Variants in PSD3 observed in about 807,000 individuals in gnomAD.
PSD3 encodes the protein pleckstrin and Sec7 domain containing 3, also known as PH and SEC7 domain-containing protein 3.
Under a neutral mutation model 105.5 loss-of-function variants are expected in PSD3, and 49 were observed. The ratio of observed to expected loss-of-function variants is 0.46; its 90% confidence interval spans 0.37 to 0.59. The LOEUF is 0.59. Ranked by LOEUF, PSD3 falls within the 20% of genes least tolerant of loss-of-function variation. The pLI, the probability that PSD3 is intolerant of heterozygous loss-of-function variation, is 0.00. For missense variants in PSD3, 1,561 were observed against 1,263.8 expected, an observed-to-expected ratio of 1.24 and a Z score of -3.57; for synonymous variants, 557 against 457.8, an observed-to-expected ratio of 1.22 and a Z score of -2.77.
At chr8:18,545,267 C>G (rs1800388224) in intron 15 of PSD3, among the ~76,000 whole-genome samples, 1 of 152,076 alleles carries the variant, frequency 6.6e-6, no homozygotes, top group Admixed American at 6.6e-5. Context: ...AGGTGGAAAA[C>G]TCAAGAAATA....
At chr8:18,988,126 T>TAC (rs1042994427) in intron 1 of PSD3, among the ~76,000 whole-genome samples, 1 of 151,522 alleles carries the variant, frequency 6.6e-6, no homozygotes, top group Non-Finnish European at 1.5e-5. Context: ...TATATATATA[T>TAC]ACACATGAAT....
At position 18,625,732 on chromosome 8, in the gene PSD3, AC is replaced by A. The variant is rs1472368859; in HGVS notation, c.2410+6880del. The stretch of plus-strand genomic sequence containing the variant: ...TCCACCAGATACACTGCTATTCTAT[AC>A]TACATCCTTGGTTAAGATGCTTAGG... On this transcript the variant is annotated intron_variant, in intron 11 of 15. Transcript: ENST00000327040. 2.0e-5 allele frequency among the ~76,000 whole-genome samples: 3 copies of A among 152,290 alleles called. No homozygotes were observed. In the East Asian group the frequency reaches 5.8e-4, roughly 29 times the overall value.
chr8:19,057,344 C>T (rs1310316448), intron 1 of PSD3, among the ~76,000 whole-genome samples: 1 of 152,156 alleles, frequency 6.6e-6, no homozygotes, highest in East Asian at 1.9e-4. Context: ...ATGGAAGTTT[C>T]TCTTGACCTC....
intron 9 of PSD3, chr8:18,763,103 A>G (rs1021112895): frequency 8.7e-6 from 4 of 460,350 alleles, no homozygotes; most frequent in Admixed American, 7.1e-5. Flanking sequence ...TCAAGTACAA[A>G]TGTTACTTCT....
At chr8:19,057,153 T>C (rs1229010913) in intron 1 of PSD3, among the ~76,000 whole-genome samples, 4 of 152,272 alleles carry the variant, frequency 2.6e-5, no homozygotes, top group South Asian at 2.1e-4. Flanking sequence ...CATATGAACA[T>C]GTTTGACTAT....
At chr8:18,694,300 CA>C (rs753585127) in intron 9 of PSD3, among the ~76,000 whole-genome samples, 6 of 152,214 alleles carry the variant, frequency 3.9e-5, no homozygotes, top group Non-Finnish European at 8.8e-5. Flanking sequence ...CTACAAAACT[CA>C]AATTAACTAA....
intron 11 of PSD3, among the ~76,000 whole-genome samples, chr8:18,601,681 A>C (rs1313135147): frequency 1.3e-5 from 2 of 152,352 alleles, no homozygotes; most frequent in South Asian, 4.1e-4. Context: ...TATACTAAAA[A>C]TACATATAAC....
chr8:18,946,798 G>C (rs187432111), intron 1 of PSD3, among the ~76,000 whole-genome samples: 1 of 150,636 alleles, frequency 6.6e-6, no homozygotes, highest in Admixed American at 6.6e-5. Flanking sequence ...CCAGATACTT[G>C]GGAGGTTGGG....
At chr8:18,575,933 T>C (rs979173051) in intron 12 of PSD3, among the ~76,000 whole-genome samples, 1 of 152,182 alleles carries the variant, frequency 6.6e-6, no homozygotes, top group African/African-American at 2.4e-5. Flanking sequence ...CTGTTAGATA[T>C]TTTCTAGAGT....
chr8:18,575,526 T>A lies in PSD3; in HGVS notation c.2482-241A>T, dbSNP rs537813531. Reference sequence around the variant, plus strand: ...GCATTTTTTTAAAAATCAGTTTTTTTAAAAAACTGATATACAATAATTGAG... The same window carrying A: ...GCATTTTTTTAAAAATCAGTTTTTTAAAAAAACTGATATACAATAATTGAG... On this transcript the variant is annotated intron_variant, in intron 12 of 15. Transcript: ENST00000327040. Among the ~76,000 whole-genome samples, 14 of 152,246 alleles carry A rather than the reference T, an allele frequency of 9.2e-5. No homozygotes were observed. The South Asian group carries it at 1.5e-3, about 16-fold the overall frequency.
At chr8:18,792,162 C>T (rs1384755340) in intron 8 of PSD3, among the ~76,000 whole-genome samples, 2 of 152,088 alleles carry the variant, frequency 1.3e-5, no homozygotes, top group Non-Finnish European at 1.5e-5. Flanking sequence ...TATGGTAATT[C>T]CTCAAAGACC....
At chr8:18,655,159 T>TA (rs1464509481) in intron 10 of PSD3, among the ~76,000 whole-genome samples, 5 of 149,290 alleles carry the variant, frequency 3.3e-5, no homozygotes, top group Non-Finnish European at 7.4e-5. Flanking sequence ...CCGTCTCTAC[T>TA]AAAAATGCAA....
At chr8:18,899,983 T>C (rs1324581757) in intron 2 of PSD3, among the ~76,000 whole-genome samples, 1 of 151,738 alleles carries the variant, frequency 6.6e-6, no homozygotes, top group East Asian at 1.9e-4. Flanking sequence ...GGAACTGTTT[T>C]CCAGAAAGGG....
At chr8:18,699,814 T>C (rs993812304) in intron 9 of PSD3, among the ~76,000 whole-genome samples, 3 of 152,092 alleles carry the variant, frequency 2.0e-5, no homozygotes, top group Admixed American at 6.6e-5. Flanking sequence ...CAAAGTTCAT[T>C]AGGGTTTTTC....
In PSD3 at chr8:18,534,824, C is replaced by G. The variant is rs1799768941; in HGVS notation, c.*919G>C. ...CCACACACGCACACACACGCACGCACACACACATATGTAGAGTAAGAAAAA... is the reference window on the plus strand; with the variant it reads ...CCACACACGCACACACACGCACGCAGACACACATATGTAGAGTAAGAAAAA... On this transcript the variant is annotated 3_prime_UTR_variant, in exon 16 of 16. Coordinates refer to ENST00000327040, the MANE Select transcript of PSD3 (RefSeq NM_015310.4). 1 of 152,674 alleles carries G rather than the reference C, an allele frequency of 6.5e-6. No homozygotes were observed. Among genetic ancestry groups the G allele is most frequent in the African/African-American group, 2.4e-5 (1 of 41,526 alleles). The allele number at this position is 152,674 out of a possible 1,614,324, so 9.5% of individuals were successfully genotyped here. A position where few individuals can be genotyped will look rare whatever the true frequency, so the allele number is the denominator to read the frequency against.
At chr8:18,913,084 C>A (rs1051558300) in intron 2 of PSD3, among the ~76,000 whole-genome samples, 34 of 103,862 alleles carry the variant, frequency 3.3e-4, no homozygotes, top group African/African-American at 5.7e-4. Flanking sequence ...CACACACACA[C>A]AAACACACAC....
At position 18,544,171 on chromosome 8, in the gene PSD3, C is replaced by CAAAA. The variant is rs201016537; in HGVS notation, c.2929-8217_2929-8214dup. ...TACAATGGAAAACAAAGAAACAAAC[C>CAAAA]AAAAAAAAAAAAAAAAAAAAAAAAA... On this transcript the variant is annotated intron_variant, in intron 15 of 15. Coordinates refer to ENST00000327040, the MANE Select transcript of PSD3 (RefSeq NM_015310.4). Among the ~76,000 whole-genome samples, 95 of 106,652 alleles carry CAAAA rather than the reference C, an allele frequency of 8.9e-4. 1 individual carries two copies. The highest frequency in any genetic ancestry group is 2.3e-3 in the African/African-American group (46 of 20,226). The allele number at this position is 106,652 out of a possible 152,430, so 70.0% of individuals were successfully genotyped here.
intron 1 of PSD3, among the ~76,000 whole-genome samples, chr8:19,038,673 G>A (rs112545106): frequency 9.2e-5 from 14 of 152,178 alleles, no homozygotes; most frequent in African/African-American, 2.9e-4. Context: ...TGTTGCCCAG[G>A]CTGGTGTCAA....
intron 15 of PSD3, among the ~76,000 whole-genome samples, chr8:18,543,103 T>G (rs902553876): frequency 6.6e-6 from 1 of 152,192 alleles, no homozygotes; most frequent in East Asian, 1.9e-4. Flanking sequence ...ACCGTTTTCT[T>G]GGACCTGGCC....
Sources: gnomAD v4.1 joint callset for allele counts (sites outside exome capture counted in the v4.1 genomes callset) on GRCh38, gnomAD v4.1.1 for gene constraint, MANE v1.5 for transcripts, NCBI Gene and HGNC (gene_info 2026-07-23, HGNC 2026-07-21) for gene names.